MAGI2: variants seen among roughly 807,000 people sequenced by gnomAD.
The protein encoded by MAGI2 is membrane-associated guanylate kinase, WW and PDZ domain-containing protein 2.
In MAGI2, 35 loss-of-function variants were observed where a neutral mutation model predicts 133.3. The ratio of observed to expected loss-of-function variants is 0.26; its 90% CI spans 0.20 to 0.35. MAGI2 has a LOEUF of 0.35. Ranked by LOEUF, MAGI2 falls within the 10% of genes least tolerant of loss-of-function variation. MAGI2 has a pLI of 1.00. For missense variants in MAGI2, 1,636 were observed against 1,863.4 expected (o/e 0.88, Z 2.25); for synonymous variants, 729 against 710.6 (o/e 1.03, Z -0.41).
At chr7:78,532,226 G>A (rs1584520596) in intron 3 of MAGI2, among the ~76,000 whole-genome samples, 1 of 152,154 alleles carries the variant, frequency 6.6e-6, no homozygotes. Context: ...AGGATGCAAG[G>A]ACAACAGGTT....
intron 1 of MAGI2, chr7:79,353,445 T>G: frequency 2.2e-6 from 1 of 455,972 alleles, no homozygotes; most frequent in African/African-American, 2.0e-5. Context: ...CAAGATACAT[T>G]TTGGAACCCC....
intron 2 of MAGI2, among the ~76,000 whole-genome samples, chr7:78,843,077 T>G (rs1305489032): frequency 6.6e-6 from 1 of 151,862 alleles, no homozygotes; most frequent in East Asian, 1.9e-4. Flanking sequence ...TTTTGGTACA[T>G]TTTGGGCTTT....
intron 2 of MAGI2, among the ~76,000 whole-genome samples, chr7:78,749,623 G>A (rs1563451023): frequency 6.6e-6 from 1 of 152,142 alleles, no homozygotes; most frequent in Non-Finnish European, 1.5e-5. Flanking sequence ...TGAAATTGTT[G>A]GCAGAATAAG....
intron 2 of MAGI2, among the ~76,000 whole-genome samples, chr7:78,984,624 T>C (rs1280545007): frequency 6.6e-6 from 1 of 151,926 alleles, no homozygotes; most frequent in African/African-American, 2.4e-5. Flanking sequence ...TTCAAGTATC[T>C]GCTCGTATGT....
chr7:79,118,295 T>C (rs1317772313), intron 1 of MAGI2, among the ~76,000 whole-genome samples: 1 of 152,140 alleles, frequency 6.6e-6, no homozygotes, highest in East Asian at 1.9e-4. Context: ...TCATCTTCCT[T>C]GTAAATGGAG....
At chr7:79,227,063 T>C (rs1830924285) in intron 1 of MAGI2, among the ~76,000 whole-genome samples, 1 of 152,196 alleles carries the variant, frequency 6.6e-6, no homozygotes, top group Admixed American at 6.5e-5. Context: ...AAACAGTCAA[T>C]ATTTAATCAG....
chr7:78,177,948 T>C, intron 14 of MAGI2, 63 bp downstream of exon 14: 1 of 1,155,638 alleles, frequency 8.7e-7, no homozygotes, highest in South Asian at 1.2e-5. Context: ...TAAACACTAT[T>C]TTCCCTGGTG....
At chr7:78,129,436 A>G (rs528985419) in intron 18 of MAGI2, among the ~76,000 whole-genome samples, 1 of 152,340 alleles carries the variant, frequency 6.6e-6, no homozygotes, top group African/African-American at 2.4e-5. Context: ...AAAACTCAGG[A>G]TTATTTTAAA....
chr7:79,449,570 A>C (rs2129206156), intron 1 of MAGI2, among the ~76,000 whole-genome samples: 1 of 152,122 alleles, frequency 6.6e-6, no homozygotes, highest in African/African-American at 2.4e-5. Context: ...GCACTTCCAT[A>C]TAGATCTCAA....
chr7:79,353,244 A>G (rs1430251913), intron 1 of MAGI2, among the ~76,000 whole-genome samples: 2 of 152,110 alleles, frequency 1.3e-5, no homozygotes, highest in East Asian at 3.9e-4. Flanking sequence ...TCTAGGGAGC[A>G]CTTCCACCCC....
intron 1 of MAGI2, among the ~76,000 whole-genome samples, chr7:79,269,912 A>G (rs2129557126): frequency 6.6e-6 from 1 of 152,302 alleles, no homozygotes; most frequent in East Asian, 1.9e-4. Context: ...AAATTTCTAT[A>G]GTTTCCATAA....
intron 3 of MAGI2, among the ~76,000 whole-genome samples, chr7:78,552,751 A>T (rs10262180): frequency 2.0e-5 from 3 of 151,950 alleles, no homozygotes; most frequent in Admixed American, 2.0e-4. Context: ...TGATCCAGCT[A>T]GGGTGCCCTG....
chr7:79,350,322 T>C (rs984880386), intron 1 of MAGI2, among the ~76,000 whole-genome samples: 2 of 152,240 alleles, frequency 1.3e-5, no homozygotes, highest in African/African-American at 4.8e-5. Context: ...TACAACAGTT[T>C]TTAGAATCTC....
chr7:78,955,983 T>C (rs998481141), intron 2 of MAGI2, among the ~76,000 whole-genome samples: 4 of 151,940 alleles, frequency 2.6e-5, no homozygotes, highest in Admixed American at 2.0e-4. Flanking sequence ...TTGCTGTTTG[T>C]GGTACACTCT....
At chr7:78,265,909 C>T (rs1793954525) in intron 9 of MAGI2, among the ~76,000 whole-genome samples, 1 of 152,190 alleles carries the variant, frequency 6.6e-6, no homozygotes, top group African/African-American at 2.4e-5. Context: ...TCAAACCTCC[C>T]CTGAAATGAA....
At chr7:79,435,101 G>A (rs1306632705) in intron 1 of MAGI2, among the ~76,000 whole-genome samples, 1 of 152,148 alleles carries the variant, frequency 6.6e-6, no homozygotes, top group East Asian at 1.9e-4. Flanking sequence ...TGATCCTGCA[G>A]ATCTCAGGAT....
chr7:78,514,001 T>C (rs1795824733), intron 4 of MAGI2, among the ~76,000 whole-genome samples: 1 of 146,002 alleles, frequency 6.8e-6, no homozygotes, highest in Admixed American at 7.2e-5. Flanking sequence ...GGCAGGAGAA[T>C]TGCTTGAACC....
intron 2 of MAGI2, among the ~76,000 whole-genome samples, chr7:78,811,109 T>C (rs1055599418): frequency 1.3e-5 from 2 of 151,896 alleles, no homozygotes; most frequent in African/African-American, 2.4e-5. Flanking sequence ...TTTTAAAAAT[T>C]AATATAAAGT....
rs370111178 is a variant in MAGI2 at position 78,981,400 on chromosome 7, T to C, written c.418+25690A>G. Reference sequence around the variant, plus strand: ...CCATGTTATTATCTCTTTCTTCTGATGGATATTTAAAGCCATTCACTGAAA... The same window carrying C: ...CCATGTTATTATCTCTTTCTTCTGACGGATATTTAAAGCCATTCACTGAAA... On this transcript the variant is annotated intron_variant, in intron 2 of 21. Coordinates refer to ENST00000354212, the MANE Select transcript of MAGI2 (RefSeq NM_012301.4). 2.6e-5 allele frequency among the ~76,000 whole-genome samples: 4 copies of C among 151,786 alleles called. No individual in the cohort carries two copies. In the East Asian group the frequency reaches 5.8e-4, roughly 22 times the overall value.
Sources: gnomAD v4.1 joint callset for allele counts (sites outside exome capture counted in the v4.1 genomes callset) on GRCh38, gnomAD v4.1.1 for gene constraint, MANE v1.5 for transcripts, NCBI Gene and HGNC (gene_info 2026-07-23, HGNC 2026-07-21) for gene names.